Variants in TTC7B observed in about 807,000 individuals in gnomAD.
The protein encoded by TTC7B is tetratricopeptide repeat domain 7B.
A neutral mutation model predicts 106.8 loss-of-function variants in TTC7B; 28 were observed. The ratio of observed to expected loss-of-function variants is 0.26; its 90% confidence interval spans 0.19 to 0.36. The LOEUF is 0.36. Ranked by LOEUF, TTC7B falls within the 10% of genes least tolerant of loss-of-function variation. The pLI is 1.00. For synonymous variants in TTC7B, 405 were observed against 430.6 expected (o/e 0.94, Z 0.74); for missense variants, 862 against 1,076.4 (o/e 0.80, Z 2.79).
Position 90,578,043 on chromosome 14 carries a change from C to G in TTC7B, c.2310+63G>C, listed in dbSNP as rs1193149708. On this transcript the variant is annotated intron_variant, in intron 19 of 19. Transcript: ENST00000328459. This position sits in a 1 kb window ranked among gnomAD's most constrained non-coding sequence, Gnocchi z 4.7. The stretch of plus-strand genomic sequence containing the variant: ...AGAGGGTGTGAGGGTCATGTGCTAC[C>G]TGCCGCTTCCAAGGGCTGTCCCCAT... 1 of 1,541,918 alleles carries G rather than the reference C, an allele frequency of 6.5e-7. No homozygotes were observed. The highest frequency in any genetic ancestry group is 8.8e-7 in the Non-Finnish European group (1 of 1,140,334).
At chr14:90,799,160 G>C (rs550483587) in intron 1 of TTC7B, among the ~76,000 whole-genome samples, 1 of 152,054 alleles carries the variant, frequency 6.6e-6, no homozygotes, top group Admixed American at 6.6e-5. Context: ...CCAAGGCCAC[G>C]GCCATCTGAC....
chr14:90,548,005 G>A (rs896604060), intron 19 of TTC7B, among the ~76,000 whole-genome samples: 20 of 152,158 alleles, frequency 1.3e-4, no homozygotes, highest in African/African-American at 4.1e-4. Flanking sequence ...GGGTCAGTTG[G>A]TCTACCTGGT....
In TTC7B at chr14:90,804,115, C is replaced by T. The variant is rs543489029; in HGVS notation, c.121+12060G>A. Reference sequence around the variant, plus strand: ...CTTTGGAAGGCCGAAGCAGGCAGATCACGAGGTCAGGAGATCGAGACCATC... The same window carrying T: ...CTTTGGAAGGCCGAAGCAGGCAGATTACGAGGTCAGGAGATCGAGACCATC... On this transcript the variant is annotated intron_variant, in intron 1 of 19. Coordinates refer to ENST00000328459, the MANE Select transcript of TTC7B (RefSeq NM_001010854.2). Among the ~76,000 whole-genome samples the T allele has an allele frequency of 1.8e-3, 279 of 152,250 alleles. 2 individuals are homozygous for T. Among genetic ancestry groups the T allele is most frequent in the African/African-American group, 6.0e-3 (249 of 41,554 alleles).
chr14:90,739,560 C>G (rs1374819471), intron 4 of TTC7B, among the ~76,000 whole-genome samples: 1 of 152,222 alleles, frequency 6.6e-6, no homozygotes, highest in Non-Finnish European at 1.5e-5. Context: ...TGCCAGTGAA[C>G]AGCCCCTTCA....
intron 4 of TTC7B, among the ~76,000 whole-genome samples, chr14:90,731,026 C>T (rs558287952): frequency 2.1e-4 from 32 of 152,170 alleles, no homozygotes; most frequent in African/African-American, 6.3e-4. Flanking sequence ...GCTCACTGCA[C>T]GCTCCGCCTC....
At position 90,641,934 on chromosome 14, in the gene TTC7B, C is replaced by CGTGTGTGTGT. The variant is rs145476335; in HGVS notation, c.1751+2104_1751+2113dup. ...TAATGAAAGAGCTTGTGTGTGTGTG[C>CGTGTGTGTGT]GTGTGTGTGTGTGTGTGTGTGTGTG... On this transcript the variant is annotated intron_variant, in intron 15 of 19. Coordinates refer to ENST00000328459, the MANE Select transcript of TTC7B (RefSeq NM_001010854.2). Among the ~76,000 whole-genome samples the CGTGTGTGTGT allele has an allele frequency of 4.0e-3, 595 of 147,088 alleles. 6 individuals carry two copies. The highest frequency in any genetic ancestry group is 0.014 in the African/African-American group (561 of 39,300).
At chr14:90,627,506 G>A (rs1404956452) in intron 15 of TTC7B, among the ~76,000 whole-genome samples, 3 of 152,228 alleles carry the variant, frequency 2.0e-5, no homozygotes, top group Non-Finnish European at 2.9e-5. Flanking sequence ...GCCAAAGTAT[G>A]ATGAGGAGAT....
intron 5 of TTC7B, among the ~76,000 whole-genome samples, chr14:90,710,279 C>T (rs1023508277): frequency 6.6e-6 from 1 of 152,060 alleles, no homozygotes; most frequent in African/African-American, 2.4e-5. Flanking sequence ...AGAAGTGGGG[C>T]CTGAAGATGT....
chr14:90,708,125 G>A (rs959659588), intron 5 of TTC7B, among the ~76,000 whole-genome samples: 17 of 127,594 alleles, frequency 1.3e-4, no homozygotes, highest in African/African-American at 4.1e-4. Context: ...CAGCCCAGGC[G>A]ACAGTGCGAG....
intron 19 of TTC7B, among the ~76,000 whole-genome samples, chr14:90,547,023 G>A (rs1231171663): frequency 6.6e-6 from 1 of 152,204 alleles, no homozygotes; most frequent in Non-Finnish European, 1.5e-5. Flanking sequence ...TGTGTGTGGA[G>A]AGGATGCGCA....
intron 9 of TTC7B, among the ~76,000 whole-genome samples, chr14:90,662,311 T>C (rs1471724639): frequency 6.6e-6 from 1 of 152,104 alleles, no homozygotes; most frequent in Non-Finnish European, 1.5e-5. Flanking sequence ...CCTCCCAAAT[T>C]GGGGCAGGGC....
chr14:90,588,030 A>T (rs1206547301), intron 18 of TTC7B, among the ~76,000 whole-genome samples: 2 of 152,230 alleles, frequency 1.3e-5, no homozygotes, highest in African/African-American at 4.8e-5. Flanking sequence ...AGTGTGTGGT[A>T]AACGTTAGCT....
rs1300642082 is a variant in TTC7B, at chr14:90,532,578, CCA to C, written c.*8788_*8789del. ...CACTGTCTTACAGAGGTGTCCCCGACCAGCCAATCTAAAGTAACCCTCCCCCT... is the reference window on the plus strand; with the variant it reads ...CACTGTCTTACAGAGGTGTCCCCGACGCCAATCTAAAGTAACCCTCCCCCT... On this transcript the variant is annotated 3_prime_UTR_variant, in exon 20 of 20. Transcript: ENST00000328459. 26 of 152,244 alleles carry C rather than the reference CCA, an allele frequency of 1.7e-4. No individual in the cohort carries two copies. The highest frequency in any genetic ancestry group is 6.0e-4 in the African/African-American group (25 of 41,450). 9.4% of individuals were successfully genotyped at this position (152,244 alleles called of 1,614,324 possible).
intron 19 of TTC7B, among the ~76,000 whole-genome samples, chr14:90,542,793 TG>T (rs1355384070): frequency 6.6e-6 from 1 of 152,160 alleles, no homozygotes; most frequent in Non-Finnish European, 1.5e-5. Context: ...TTAGTGGCCC[TG>T]GGGGAGGATC....
rs1047392913 is a variant in TTC7B, at chr14:90,657,737, G to A, written c.1237-459C>T. 55 of 183,922 alleles carry A rather than the reference G, an allele frequency of 3.0e-4. No individual in the cohort carries two copies. The highest frequency in any genetic ancestry group is 1.6e-4 in the Admixed American group (3 of 18,568). The allele number at this position is 183,922 out of a possible 1,614,324, so 11.4% of individuals were successfully genotyped here. The stretch of plus-strand genomic sequence containing the variant: ...GTTGAGTGTATACACAGCAAGGAGC[G>A]TGCCTCTAAACACCTCTGGTGTAGC... On this transcript the variant is annotated intron_variant, in intron 10 of 19. Transcript: ENST00000328459. The surrounding 1 kb of genome is among the most constrained non-coding windows in gnomAD (Gnocchi z 4.2).
chr14:90,636,456 G>T (rs867994859), intron 15 of TTC7B, among the ~76,000 whole-genome samples: 3 of 138,066 alleles, frequency 2.2e-5, no homozygotes, highest in Non-Finnish European at 4.6e-5. Flanking sequence ...AAGCCAATCC[G>T]CCATCCCAGT....
Position 90,636,108 on chromosome 14 carries a change from GA to G in TTC7B, c.1751+7939del, listed in dbSNP as rs1252456237. ...TGCACTACAGCCTGGGCAACAGAGT[GA>G]GACTCCATCTCAAAAAAAAAAAAAA... On this transcript the variant is annotated intron_variant, in intron 15 of 19. Transcript: ENST00000328459. Among the ~76,000 whole-genome samples the G allele has an allele frequency of 4.0e-5, 6 of 149,514 alleles. No individual in the cohort carries two copies. The South Asian group carries it at 1.3e-3, about 31-fold the overall frequency.
intron 7 of TTC7B, among the ~76,000 whole-genome samples, chr14:90,688,945 C>T (rs1887357508): frequency 6.6e-6 from 1 of 152,190 alleles, no homozygotes. Context: ...CTCTGTCTGG[C>T]TTCCCCTGGC....
intron 5 of TTC7B, among the ~76,000 whole-genome samples, chr14:90,722,078 T>A (rs1175992593): frequency 6.6e-6 from 1 of 152,216 alleles, no homozygotes; most frequent in Non-Finnish European, 1.5e-5. Flanking sequence ...AACAGCGATC[T>A]AGGTGAGTCA....
Sources: gnomAD v4.1 joint callset for allele counts (sites outside exome capture counted in the v4.1 genomes callset) on GRCh38, gnomAD v4.1.1 for gene constraint, Gnocchi (gnomAD v3.1) non-coding constraint, MANE v1.5 for transcripts, NCBI Gene and HGNC (gene_info 2026-07-23, HGNC 2026-07-21) for gene names.